Variants in LLGL1 observed in about 807,000 individuals in gnomAD.
The protein encoded by LLGL1 is LLGL scribble cell polarity complex component 1.
LLGL1 carries 58 observed loss-of-function variants against 110.6 expected under a neutral mutation model. The ratio of observed to expected loss-of-function variants is 0.52; its 90% CI spans 0.42 to 0.65. The LOEUF is 0.65. Among genes scored for constraint, LLGL1 ranks in the 30% least tolerant of loss-of-function variants. The probability of loss-of-function intolerance (pLI) is 0.00; values close to 1 mark genes in which losing one functional copy is unlikely to be tolerated. For synonymous variants in LLGL1, 674 were observed against 607.2 expected (o/e 1.11, Z -1.62); for missense variants, 1,229 against 1,462.1 (o/e 0.84, Z 2.60).
intron 18 of LLGL1, 22 bp downstream of exon 18, chr17:18,241,737 G>A (rs1175551400): frequency 3.7e-6 from 6 of 1,610,398 alleles, no homozygotes; most frequent in Non-Finnish European, 5.1e-6. Flanking sequence ...CAGAGGCCGA[G>A]GAGGCCTTCC....
At chr17:18,230,707 C>T (rs1597860480) in intron 2 of LLGL1, among the ~76,000 whole-genome samples, 1 of 152,194 alleles carries the variant, frequency 6.6e-6, no homozygotes, top group Admixed American at 6.5e-5. Flanking sequence ...GTGAGGGGTG[C>T]TGACCCCTAC....
At chr17:18,238,639 C>A in intron 16 of LLGL1, 30 bp downstream of exon 16, 1 of 1,591,366 alleles carries the variant, frequency 6.3e-7, no homozygotes, top group Admixed American at 1.7e-5. Flanking sequence ...AGGGACAGGG[C>A]AAGGGTTGGG....
rs535156199 is a variant in LLGL1, at chr17:18,242,064, C to T, written c.2882+65C>T. ...CCAGGGCCAGGTCTCATCCCACCCCCGAGATCTGCCTTCCCTGGGCTCAGG... is the reference window on the plus strand; with the variant it reads ...CCAGGGCCAGGTCTCATCCCACCCCTGAGATCTGCCTTCCCTGGGCTCAGG... On this transcript the variant is annotated intron_variant, in intron 19 of 22. Coordinates refer to ENST00000316843, the MANE Select transcript of LLGL1 (RefSeq NM_004140.4). 2.7e-5 allele frequency: 42 copies of T among 1,546,820 alleles called. 1 individual carries two copies. The East Asian group carries it at 4.0e-4, about 15-fold the overall frequency.
chr17:18,228,095 G>C (rs1290226352), intron 1 of LLGL1, among the ~76,000 whole-genome samples: 1 of 152,168 alleles, frequency 6.6e-6, no homozygotes, highest in Admixed American at 6.5e-5. Context: ...TTACCAAAAA[G>C]GACAAATACC....
At chr17:18,239,727 G>A (rs2047781782) in intron 16 of LLGL1, among the ~76,000 whole-genome samples, 1 of 151,942 alleles carries the variant, frequency 6.6e-6, no homozygotes, top group African/African-American at 2.4e-5. Context: ...GATGTGGCGG[G>A]TGCAGCTGGG....
intron 14 of LLGL1, 131 bp from the exon 15 acceptor site, chr17:18,237,936 C>T (rs2047732565): frequency 2.3e-6 from 3 of 1,283,844 alleles, no homozygotes; most frequent in Admixed American, 2.3e-5. Context: ...GTACCACCTG[C>T]AGCTGGGTCC....
Position 18,240,109 on chromosome 17 carries a change from G to T in LLGL1, c.2207-469G>T, listed in dbSNP as rs933429042. Among the ~76,000 whole-genome samples, 1 of 152,134 alleles carries T rather than the reference G, an allele frequency of 6.6e-6. No individual in the cohort carries two copies. The highest frequency in any genetic ancestry group is 2.4e-5 in the African/African-American group (1 of 41,420). On this transcript the variant is annotated intron_variant, in intron 16 of 22. Coordinates refer to ENST00000316843, the MANE Select transcript of LLGL1 (RefSeq NM_004140.4). The surrounding 1 kb of genome is among the most constrained non-coding windows in gnomAD (Gnocchi z 5.3). ...GTAGGGAGCACACTGAAGACAGTGG[G>T]GGTGAAGCAGGGCTAAGACAAGGCA... is the stretch of plus-strand genomic sequence containing the variant.
intron 11 of LLGL1, 171 bp from the exon 12 acceptor site, chr17:18,236,436 T>C: frequency 1.6e-6 from 1 of 635,682 alleles, no homozygotes; most frequent in East Asian, 2.7e-5. Context: ...AGGTGCACAG[T>C]GTACCTGTGC....
chr17:18,235,062 T>C lies in LLGL1; in HGVS notation c.1061-27T>C, dbSNP rs756778861. On this transcript the variant is annotated intron_variant, in intron 9 of 22. Coordinates refer to ENST00000316843, the MANE Select transcript of LLGL1 (RefSeq NM_004140.4). ...TGCCCTCTGCCACCTATGGCTGTGC[T>C]CACCCCATACTCCCTCCGTCCCACA... The C allele has an allele frequency of 2.7e-5, 43 of 1,613,584 alleles. No homozygotes were observed. In the Admixed American group the frequency reaches 6.0e-4, roughly 23 times the overall value.
At position 18,236,883 on chromosome 17, in the gene LLGL1, A is replaced by G; in HGVS notation, c.1555A>G (p.Lys519Glu). ...TGACGATCCCCGGCTTGGCGTGCAG[A>G]AGGTTGCTCTCTGCAAGTATACAGC... is the stretch of plus-strand genomic sequence containing the variant. ...YSDDPRLGVQ[K>E]VALCKYTAQM... The change falls in exon 13 of 23, where the codon AAG becomes GAG. Residue 519 changes from lysine (K) to glutamate (E), a missense_variant. Lys to Glu is a moderately conservative substitution (Grantham distance 56). Coordinates refer to ENST00000316843, the MANE Select transcript of LLGL1 (RefSeq NM_004140.4). The G allele has an allele frequency of 1.2e-6, 2 of 1,613,734 alleles. No homozygotes were observed. The highest frequency in any genetic ancestry group is 1.1e-5 in the South Asian group (1 of 91,048).
intron 11 of LLGL1, chr17:18,236,360 G>A (rs971877762): frequency 5.8e-6 from 3 of 513,446 alleles, no homozygotes; most frequent in East Asian, 3.3e-5. Context: ...AATCAGGGTG[G>A]TCATTTCCAC....
intron 16 of LLGL1, 44 bp downstream of exon 16, chr17:18,238,653 G>A (rs373659715): frequency 6.4e-7 from 1 of 1,570,534 alleles, no homozygotes; most frequent in Non-Finnish European, 8.7e-7. Context: ...GGTTGGGGGG[G>A]CTGGCCTCAA....
rs144361427 is a variant in LLGL1, at chr17:18,233,808, G to A, written c.423G>A (p.Val141=). Residue 141 remains valine, a synonymous_variant, in exon 5 of 23, where the codon GTG becomes GTA. Coordinates refer to ENST00000316843, the MANE Select transcript of LLGL1 (RefSeq NM_004140.4). ...CGCTCAGCCTTACCCGAGTCACAGT[G>A]GTCCTGCTGGTGGCTGCCAGCGACA... ...SAPLSLTRVT[V]VLLVAASDIA... is the part of the protein sequence containing the mutation. The A allele has an allele frequency of 2.1e-4, 343 of 1,613,946 alleles. 1 individual carries two copies. The African/African-American group carries it at 4.0e-3, about 19-fold the overall frequency.
intron 3 of LLGL1, 35 bp downstream of exon 3, chr17:18,232,611 G>A: frequency 6.2e-7 from 1 of 1,614,000 alleles, no homozygotes. Flanking sequence ...AGCTCCCTGT[G>A]GCCCCCATAT....
chr17:18,239,978 TC>T (rs1188267252), intron 16 of LLGL1, among the ~76,000 whole-genome samples: 3 of 152,044 alleles, frequency 2.0e-5, no homozygotes, highest in Non-Finnish European at 4.4e-5. Context: ...GCTCTGATTC[TC>T]CACTAAAGCT....
Position 18,238,069 on chromosome 17 carries a change from G to A in LLGL1, c.1907G>A (p.Cys636Tyr). Reference protein sequence around the residue: ...YQRKSPVLARCTLHPNDSLAM... With the variant: ...YQRKSPVLARYTLHPNDSLAM... The stretch of plus-strand genomic sequence containing the variant: ...GACTGGACCCTGTCTTCCCCCAGGT[G>A]CACTCTTCACCCCAATGACTCCCTG... The change falls in exon 15 of 23, where the codon TGC becomes TAC. Residue 636 changes from cysteine (C) to tyrosine (Y), a missense_variant and splice_region_variant. Coordinates refer to ENST00000316843, the MANE Select transcript of LLGL1 (RefSeq NM_004140.4). 6.2e-7 allele frequency: 1 copy of A among 1,613,554 alleles called. No homozygotes were observed. Among genetic ancestry groups the A allele is most frequent in the Non-Finnish European group, 8.5e-7 (1 of 1,179,972 alleles).
At chr17:18,233,614 CG>C (rs1472540802) in intron 4 of LLGL1, among the ~76,000 whole-genome samples, 163 bp from the exon 5 acceptor site, 2 of 152,062 alleles carry the variant, frequency 1.3e-5, no homozygotes, top group Non-Finnish European at 2.9e-5. Flanking sequence ...AATAATTGAG[CG>C]GGCTGATGAT....
At chr17:18,227,286 G>A (rs552519347) in intron 1 of LLGL1, among the ~76,000 whole-genome samples, 29 of 152,196 alleles carry the variant, frequency 1.9e-4, no homozygotes, top group Non-Finnish European at 2.9e-4. Flanking sequence ...CTGGTGCTCC[G>A]TGGTCCCCAG....
rs1301843716 is a variant in LLGL1 at position 18,242,629 on chromosome 17, G to T, written c.3116+1G>T. On this transcript the variant is annotated splice_donor_variant, in intron 21 of 22. Transcript: ENST00000316843. LOFTEE classifies it high-confidence loss of function. ...TGGAAGATGTGAAGGATTTCCTGGG[G>T]TGAGGCTGGTGGGCAGGTCCACAGG... The T allele has an allele frequency of 1.9e-6, 3 of 1,606,222 alleles. No homozygotes were observed. Among genetic ancestry groups the T allele is most frequent in the African/African-American group, 2.7e-5 (2 of 74,732 alleles).
Sources: allele counts gnomAD v4.1 joint callset (sites outside exome capture counted in the v4.1 genomes callset), GRCh38; gene constraint gnomAD v4.1.1; non-coding constraint Gnocchi (gnomAD v3.1); transcripts MANE v1.5; gene names NCBI Gene and HGNC (gene_info 2026-07-23, HGNC 2026-07-21).